Variants in GLI3 observed in about 807,000 individuals in gnomAD.
GLI3 encodes the protein transcription activator GLI3.
Under a neutral mutation model 100.8 loss-of-function variants are expected in GLI3, and 20 were observed. The ratio of observed to expected loss-of-function variants is 0.20; its 90% confidence interval spans 0.14 to 0.29. The LOEUF is 0.29. Ranked by LOEUF, GLI3 falls within the 10% of genes least tolerant of loss-of-function variation. GLI3 has a pLI of 1.00. For missense variants in GLI3, 2,040 were observed against 2,128.5 expected (o/e 0.96, Z 0.82); for synonymous variants, 938 against 860.5 (o/e 1.09, Z -1.58).
At chr7:42,026,494 T>A in intron 7 of GLI3, 82 bp from the exon 8 acceptor site, 2 of 1,059,744 alleles carry the variant, frequency 1.9e-6, no homozygotes, top group Non-Finnish European at 2.9e-6. Context: ...GCTTTCTATC[T>A]ATAATTTTAC....
At chr7:42,114,804 C>A (rs551721684) in intron 3 of GLI3, among the ~76,000 whole-genome samples, 1 of 152,058 alleles carries the variant, frequency 6.6e-6, no homozygotes, top group Non-Finnish European at 1.5e-5. Flanking sequence ...CAGGTTCAAG[C>A]GATTCTCCTG....
intron 3 of GLI3, among the ~76,000 whole-genome samples, chr7:42,093,870 AG>A (rs1785280764): frequency 6.6e-6 from 1 of 152,146 alleles, no homozygotes; most frequent in Admixed American, 6.5e-5. Flanking sequence ...AGAGGTCCTC[AG>A]GAAGTGAAAA....
In GLI3 at chr7:41,964,344, C is replaced by T. The variant is rs1287041517; in HGVS notation, c.4729G>A (p.Ala1577Thr). The part of the protein sequence containing the change: ...TSLAEESKFL[A>T]VMQ ...TTTCCTAAAGCCTATTGCATAACTG[C>T]AAGGAATTTGCTTTCTTCCGCTAGG... Residue 1577 changes from alanine (A) to threonine (T), a missense_variant, in exon 15 of 15, where the codon GCA (alanine) becomes ACA (threonine). By Grantham distance (58) the Ala-to-Thr change is moderately conservative (BLOSUM62 0). Transcript: ENST00000395925. 1.9e-6 allele frequency: 3 copies of T among 1,614,118 alleles called. No individual in the cohort carries two copies. The South Asian group carries it at 3.3e-5, about 18-fold the overall frequency.
chr7:42,148,770 A>G (rs1421707061), intron 2 of GLI3, among the ~76,000 whole-genome samples: 1 of 152,204 alleles, frequency 6.6e-6, no homozygotes, highest in Non-Finnish European at 1.5e-5. Context: ...GGGTCTGCCC[A>G]TGAGGTTTCT....
chr7:42,169,025 T>A (rs1176535435), intron 2 of GLI3, among the ~76,000 whole-genome samples: 2 of 152,240 alleles, frequency 1.3e-5, no homozygotes, highest in African/African-American at 4.8e-5. Context: ...AGCCTAATTC[T>A]AGCTTCACAA....
intron 2 of GLI3, among the ~76,000 whole-genome samples, chr7:42,178,358 G>A (rs1787522265): frequency 6.6e-6 from 1 of 152,192 alleles, no homozygotes; most frequent in Non-Finnish European, 1.5e-5. Flanking sequence ...CATAGTCATT[G>A]TAAAAGCTCC....
At chr7:42,197,795 A>G (rs1004563923) in intron 2 of GLI3, among the ~76,000 whole-genome samples, 7 of 152,226 alleles carry the variant, frequency 4.6e-5, no homozygotes, top group African/African-American at 1.4e-4. Context: ...TGGGCGTCAC[A>G]GCAGCTGTGC....
chr7:42,053,146 C>A (rs1784386231), intron 4 of GLI3, among the ~76,000 whole-genome samples: 1 of 152,186 alleles, frequency 6.6e-6, no homozygotes, highest in Non-Finnish European at 1.5e-5. Context: ...CAGGCATGTG[C>A]CACCATGCCC....
In GLI3 at chr7:42,068,581, T is replaced by C. The variant is rs759078388; in HGVS notation, c.473+8171A>G. ...TAGCAAGCAGGTTCCTGGAAACATA[T>C]CTGCTAACATTTATTTTCTGATGTG... On this transcript the variant is annotated intron_variant, in intron 4 of 14. Coordinates refer to ENST00000395925, the MANE Select transcript of GLI3 (RefSeq NM_000168.6). 3.3e-5 allele frequency among the ~76,000 whole-genome samples: 5 copies of C among 152,308 alleles called. No individual in the cohort carries two copies. The South Asian group carries it at 1.0e-3, about 32-fold the overall frequency.
intron 7 of GLI3, among the ~76,000 whole-genome samples, chr7:42,028,090 C>T (rs1206841407): frequency 6.6e-6 from 1 of 152,162 alleles, no homozygotes; most frequent in African/African-American, 2.4e-5. Flanking sequence ...AGTGTACAAG[C>T]CATTCATCAA....
intron 10 of GLI3, among the ~76,000 whole-genome samples, chr7:42,006,484 A>G (rs1583781936): frequency 6.6e-6 from 1 of 152,326 alleles, no homozygotes; most frequent in Middle Eastern, 3.4e-3. Context: ...TATTAGACAA[A>G]GTATGAAACA....
intron 10 of GLI3, among the ~76,000 whole-genome samples, chr7:42,008,183 T>A (rs1203071011): frequency 6.6e-6 from 1 of 152,108 alleles, no homozygotes; most frequent in African/African-American, 2.4e-5. Context: ...TTAAACAACC[T>A]CACATTGCAG....
chr7:42,008,064 G>A (rs1485489286), intron 10 of GLI3, among the ~76,000 whole-genome samples: 2 of 152,080 alleles, frequency 1.3e-5, no homozygotes, highest in African/African-American at 2.4e-5. Flanking sequence ...AAACTTCTGC[G>A]GTATAAAGAA....
At chr7:42,065,824 G>T (rs1243932625) in intron 4 of GLI3, among the ~76,000 whole-genome samples, 1 of 152,084 alleles carries the variant, frequency 6.6e-6, no homozygotes, top group Non-Finnish European at 1.5e-5. Flanking sequence ...TATTCACACT[G>T]AAAGAAAACC....
chr7:42,204,619 C>T (rs1788112481), intron 2 of GLI3, among the ~76,000 whole-genome samples: 1 of 152,180 alleles, frequency 6.6e-6, no homozygotes, highest in Non-Finnish European at 1.5e-5. Context: ...TATGGAAGCA[C>T]ATCAGTAAAA....
In GLI3 at chr7:42,202,319, GTC is replaced by G. The variant is rs35402770; in HGVS notation, c.124+20809_124+20810del. ...ACCTCACCTGAAATTCATAGAATCT[GTC>G]TCTCTCTCTCTCTCTCTCTCTCTCT... On this transcript the variant is annotated intron_variant, in intron 2 of 14. Coordinates refer to ENST00000395925, the MANE Select transcript of GLI3 (RefSeq NM_000168.6). Among the ~76,000 whole-genome samples the G allele has an allele frequency of 1.8e-3, 230 of 124,804 alleles. 1 individual carries two copies. Among genetic ancestry groups the G allele is most frequent in the African/African-American group, 6.7e-3 (220 of 32,734 alleles). The allele number at this position is 124,804 out of a possible 152,430, so 81.9% of individuals were successfully genotyped here. A position where few individuals can be genotyped will look rare whatever the true frequency, so the allele number is the denominator to read the frequency against.
chr7:42,013,626 G>T (rs1303431387), intron 10 of GLI3, among the ~76,000 whole-genome samples: 1 of 152,064 alleles, frequency 6.6e-6, no homozygotes, highest in Non-Finnish European at 1.5e-5. Flanking sequence ...TCCCACCACG[G>T]CCTCCCAAAG....
intron 2 of GLI3, among the ~76,000 whole-genome samples, chr7:42,154,862 T>C (rs1303816239): frequency 2.0e-5 from 3 of 152,162 alleles, no homozygotes; most frequent in East Asian, 1.9e-4. Context: ...ACATTTCCAA[T>C]ACCCTCGGGG....
intron 10 of GLI3, among the ~76,000 whole-genome samples, chr7:42,018,706 G>A (rs1489347481): frequency 6.6e-6 from 1 of 152,130 alleles, no homozygotes; most frequent in Non-Finnish European, 1.5e-5. Flanking sequence ...TTCTGATAAA[G>A]GAAACTTCAG....
Sources: allele counts gnomAD v4.1 joint callset (sites outside exome capture counted in the v4.1 genomes callset), GRCh38; gene constraint gnomAD v4.1.1; transcripts MANE v1.5; gene names NCBI Gene and HGNC (gene_info 2026-07-23, HGNC 2026-07-21).